Variants in PI4K2B observed in about 807,000 individuals in gnomAD.
PI4K2B encodes the protein phosphatidylinositol 4-kinase type 2 beta.
A neutral mutation model predicts 56.6 loss-of-function variants in PI4K2B; 46 were observed. The ratio of observed to expected loss-of-function variants is 0.81; its 90% CI spans 0.64 to 1.04. The LOEUF (loss-of-function observed/expected upper bound fraction) is 1.04, where lower values mean the gene tolerates loss of function less well. Among genes scored for constraint, PI4K2B ranks in the 50% least tolerant of loss-of-function variants. PI4K2B has a pLI of 0.00. For synonymous variants in PI4K2B, 211 were observed against 223.8 expected, an observed-to-expected ratio of 0.94 and a Z score of 0.51; for missense variants, 556 against 607.7, an observed-to-expected ratio of 0.91 and a Z score of 0.89.
At chr4:25,264,564 A>G (rs940807348) in intron 7 of PI4K2B, among the ~76,000 whole-genome samples, 3 of 152,186 alleles carry the variant, frequency 2.0e-5, no homozygotes, top group South Asian at 4.2e-4. Context: ...TTGTTTTCTG[A>G]TATTTGTATG....
chr4:25,263,763 T>C lies in PI4K2B; in HGVS notation c.992T>C (p.Ile331Thr). 7.1e-7 allele frequency: 1 copy of C among 1,398,756 alleles called. No individual in the cohort carries two copies. The highest frequency in any genetic ancestry group is 1.0e-6 in the Non-Finnish European group (1 of 985,744). 86.6% of individuals were successfully genotyped at this position (1,398,756 alleles called of 1,614,324 possible). The change falls in exon 7 of 10, where the codon ATT becomes ACT. Residue 331 changes from isoleucine to threonine, a missense_variant. Physicochemically the swap from Ile to Thr is moderately conservative, Grantham distance 89. Transcript: ENST00000264864. ...TCTACTCTATAGGAATCAAAATGGA[T>C]TGATGATGAAGAATTCCTTATTAAA... ...KEIDHKESKW[I>T]DDEEFLIKIA... is the part of the protein sequence containing the mutation.
chr4:25,266,752 CT>C (rs1007853454), intron 7 of PI4K2B, among the ~76,000 whole-genome samples: 1 of 151,614 alleles, frequency 6.6e-6, no homozygotes, highest in Non-Finnish European at 1.5e-5. Flanking sequence ...CTTTTTCTTT[CT>C]TTTTTTTGGT....
At chr4:25,252,258 C>A in intron 1 of PI4K2B, 63 bp from the exon 2 acceptor site, 1 of 1,215,650 alleles carries the variant, frequency 8.2e-7, no homozygotes, top group Non-Finnish European at 1.2e-6. Context: ...TACCGGCAAG[C>A]TAATCGATAT....
chr4:25,274,822 G>A (rs1440780901), intron 9 of PI4K2B, among the ~76,000 whole-genome samples: 1 of 151,958 alleles, frequency 6.6e-6, no homozygotes, highest in Non-Finnish European at 1.5e-5. Context: ...TGGAGACAGA[G>A]TCTCCCTCTG....
chr4:25,277,058 C>T lies in PI4K2B; in HGVS notation c.1317C>T (p.Phe439=). 1.2e-6 allele frequency: 2 copies of T among 1,606,976 alleles called. No individual in the cohort carries two copies. Among genetic ancestry groups the T allele is most frequent in the Non-Finnish European group, 1.7e-6 (2 of 1,174,932 alleles). ...CATTGAGAGACGGGAAGAGTCCTTT[C>T]CAGCTAGTACAGATACCTTGTGTGA... ...TQALRDGKSP[F]QLVQIPCVIV... is the part of the protein sequence containing the mutation. The change falls in exon 10 of 10, where the codon TTC becomes TTT. Residue 439 remains phenylalanine, a synonymous_variant. Transcript: ENST00000264864.
intron 9 of PI4K2B, among the ~76,000 whole-genome samples, chr4:25,270,320 CTCTTG>C (rs898220862): frequency 6.6e-6 from 1 of 151,908 alleles, no homozygotes; most frequent in African/African-American, 2.4e-5. Context: ...CCCCCCTTTC[CTCTTG>C]TTTTTTTGGT....
chr4:25,244,722 C>G (rs1247263731), intron 1 of PI4K2B, among the ~76,000 whole-genome samples: 5 of 152,132 alleles, frequency 3.3e-5, no homozygotes, highest in Non-Finnish European at 7.3e-5. Context: ...TCTCCCCCTG[C>G]CCAAGAACCC....
chr4:25,249,278 G>A (rs985109316), intron 1 of PI4K2B, among the ~76,000 whole-genome samples: 5 of 151,986 alleles, frequency 3.3e-5, no homozygotes, highest in Non-Finnish European at 5.9e-5. Context: ...TTATCTATTC[G>A]ACAAAACCGC....
At chr4:25,234,567 C>A in intron 1 of PI4K2B, 136 bp downstream of exon 1, 1 of 583,960 alleles carries the variant, frequency 1.7e-6, no homozygotes, top group Middle Eastern at 5.1e-4. Context: ...CTCCCGAGCT[C>A]GGACCGGCGC....
Position 25,252,348 on chromosome 4 carries a change from C to G in PI4K2B, c.296C>G (p.Ala99Gly). Residue 99 changes from alanine to glycine, a missense_variant, in exon 2 of 10, where the codon GCA (alanine) becomes GGA (glycine). Physicochemically the swap from Ala to Gly is moderately conservative, Grantham distance 60. Coordinates refer to ENST00000264864, the MANE Select transcript of PI4K2B (RefSeq NM_018323.4). Reference protein sequence around the residue: ...SVTIGTSEMNAFLDDPEFADI... With the variant: ...SVTIGTSEMNGFLDDPEFADI... ...ACTATTGGTACTTCAGAGATGAATGCATTCTTGGATGACCCAGAATTTGCC... is the reference window on the plus strand; with the variant it reads ...ACTATTGGTACTTCAGAGATGAATGGATTCTTGGATGACCCAGAATTTGCC... 6.2e-7 allele frequency: 1 copy of G among 1,609,150 alleles called. No individual in the cohort carries two copies. The highest frequency in any genetic ancestry group is 8.5e-7 in the Non-Finnish European group (1 of 1,175,674).
chr4:25,236,694 AAAT>A (rs761427613), intron 1 of PI4K2B, among the ~76,000 whole-genome samples: 78 of 152,220 alleles, frequency 5.1e-4, no homozygotes, highest in Non-Finnish European at 1.0e-3. Context: ...GCCCGAAGTC[AAAT>A]ATCCAGGAAG....
At position 25,255,375 on chromosome 4, in the gene PI4K2B, T is replaced by C. The variant is rs1355318498; in HGVS notation, c.624+110T>C. Reference sequence around the variant, plus strand: ...AGAACCTAAAGTGGAGCCCCTTTTTTGGTAGTAGTCCAAGAGTCATGAGTG... The same window carrying C: ...AGAACCTAAAGTGGAGCCCCTTTTTCGGTAGTAGTCCAAGAGTCATGAGTG... On this transcript the variant is annotated intron_variant, in intron 3 of 9. Transcript: ENST00000264864. 3.4e-6 allele frequency: 3 copies of C among 889,310 alleles called. No homozygotes were observed. In the Admixed American group the frequency reaches 6.5e-5, roughly 19 times the overall value. The allele number at this position is 889,310 out of a possible 1,614,324, so 55.1% of individuals were successfully genotyped here.
At chr4:25,260,333 A>T (rs1446667398) in intron 5 of PI4K2B, among the ~76,000 whole-genome samples, 191 bp from the exon 6 acceptor site, 2 of 151,802 alleles carry the variant, frequency 1.3e-5, no homozygotes. Context: ...GAAAATATTC[A>T]ATAAATGTTA....
At chr4:25,256,197 C>T (rs1262944589) in intron 3 of PI4K2B, among the ~76,000 whole-genome samples, 1 of 152,206 alleles carries the variant, frequency 6.6e-6, no homozygotes, top group Non-Finnish European at 1.5e-5. Context: ...GGATTACAGG[C>T]ATGAGCCACT....
intron 9 of PI4K2B, among the ~76,000 whole-genome samples, chr4:25,272,673 A>G (rs962507063): frequency 1.3e-5 from 2 of 152,020 alleles, no homozygotes; most frequent in African/African-American, 2.4e-5. Context: ...CCAAGACCTC[A>G]TCTCTTAAGA....
chr4:25,256,177 C>G (rs991835497), intron 3 of PI4K2B, among the ~76,000 whole-genome samples: 6 of 152,220 alleles, frequency 3.9e-5, no homozygotes, highest in Non-Finnish European at 5.9e-5. Flanking sequence ...CACAGCCCCC[C>G]AGAGTGTTGG....
chr4:25,244,237 G>C (rs1387631296), intron 1 of PI4K2B, among the ~76,000 whole-genome samples: 1 of 152,108 alleles, frequency 6.6e-6, no homozygotes, highest in Non-Finnish European at 1.5e-5. Flanking sequence ...ATAGCCCGGG[G>C]GTTTGTGGTC....
chr4:25,259,379 C>G (rs1165435380), intron 5 of PI4K2B, among the ~76,000 whole-genome samples, 189 bp downstream of exon 5: 2 of 152,092 alleles, frequency 1.3e-5, no homozygotes, highest in Non-Finnish European at 2.9e-5. Flanking sequence ...GATTCTGACT[C>G]ATAGCAGGCT....
At chr4:25,250,672 T>A (rs1180906950) in intron 1 of PI4K2B, 8 of 152,194 alleles carry the variant, frequency 5.3e-5, no homozygotes, top group East Asian at 1.9e-4. Flanking sequence ...CCTGCACTTG[T>A]ACCCTTGAAC....
Sources: allele counts gnomAD v4.1 joint callset (sites outside exome capture counted in the v4.1 genomes callset), GRCh38; gene constraint gnomAD v4.1.1; transcripts MANE v1.5; gene names NCBI Gene and HGNC (gene_info 2026-07-23, HGNC 2026-07-21).